Variants in BMPER observed in about 807,000 individuals in gnomAD.
BMPER encodes BMP binding endothelial regulator, also known as BMP-binding endothelial regulator protein.
BMPER carries 45 observed loss-of-function variants against 87.3 expected under a neutral mutation model. The ratio of observed to expected loss-of-function variants is 0.52; its 90% CI spans 0.41 to 0.66. The LOEUF is 0.66. BMPER is among the 30% of genes least tolerant of loss of function. The pLI is 0.00. For missense variants in BMPER, 784 were observed against 867.5 expected, an observed-to-expected ratio of 0.90 and a Z score of 1.21; for synonymous variants, 326 against 316.2, an observed-to-expected ratio of 1.03 and a Z score of -0.33.
At chr7:34,122,370 A>G (rs1790285049) in intron 13 of BMPER, among the ~76,000 whole-genome samples, 1 of 152,174 alleles carries the variant, frequency 6.6e-6, no homozygotes, top group South Asian at 2.1e-4. Context: ...AGCACATTCA[A>G]ATCATCTGAG....
At chr7:33,967,454 T>C (rs1785433000) in intron 4 of BMPER, among the ~76,000 whole-genome samples, 1 of 152,244 alleles carries the variant, frequency 6.6e-6, no homozygotes, top group African/African-American at 2.4e-5. Context: ...TTTAGGTAGT[T>C]ATATTCCTAT....
intron 4 of BMPER, among the ~76,000 whole-genome samples, 186 bp from the exon 5 acceptor site, chr7:33,970,143 G>A (rs1585689521): frequency 6.6e-6 from 1 of 152,326 alleles, no homozygotes. Context: ...TTTGCACTGA[G>A]TTCTACAGCA....
intron 3 of BMPER, among the ~76,000 whole-genome samples, chr7:33,938,166 G>A (rs1490237416): frequency 2.0e-5 from 3 of 152,106 alleles, no homozygotes; most frequent in African/African-American, 4.8e-5. Context: ...ATTTCACACC[G>A]TGTATGTGTC....
At chr7:34,055,424 TGTGC>T in intron 9 of BMPER, 121 bp downstream of exon 9, 14 of 1,208,940 alleles carry the variant, frequency 1.2e-5, no homozygotes, top group Non-Finnish European at 1.7e-5. Flanking sequence ...AATGTATATG[TGTGC>T]ATATATTAAT....
At chr7:34,078,808 A>C (rs1562728817) in intron 11 of BMPER, 49 bp from the exon 12 acceptor site, 2 of 1,590,132 alleles carry the variant, frequency 1.3e-6, no homozygotes, top group Non-Finnish European at 1.7e-6. Context: ...TTCTCTGTGA[A>C]TCCTTGGCTT....
At chr7:34,056,402 T>TA (rs891739780) in intron 9 of BMPER, among the ~76,000 whole-genome samples, 3 of 151,534 alleles carry the variant, frequency 2.0e-5, no homozygotes, top group African/African-American at 4.9e-5. Context: ...AAAAATAAAA[T>TA]AAAAAAAATT....
intron 6 of BMPER, among the ~76,000 whole-genome samples, chr7:34,035,791 C>T (rs1455997431): frequency 6.6e-6 from 1 of 152,204 alleles, no homozygotes; most frequent in African/African-American, 2.4e-5. Context: ...GAACCTTCAA[C>T]CTACTTTGGG....
At chr7:34,102,683 C>T (rs1211332802) in intron 13 of BMPER, among the ~76,000 whole-genome samples, 1 of 152,206 alleles carries the variant, frequency 6.6e-6, no homozygotes, top group African/African-American at 2.4e-5. Context: ...TATTTAACCA[C>T]AGCTCCTGCC....
intron 14 of BMPER, among the ~76,000 whole-genome samples, chr7:34,152,050 GA>G (rs1226516177): frequency 6.6e-6 from 1 of 152,162 alleles, no homozygotes; most frequent in Non-Finnish European, 1.5e-5. Context: ...TAACTTGAAA[GA>G]CTCAAATTGA....
Position 34,123,586 on chromosome 7 carries a change from C to A in BMPER, c.1746-19644C>A, listed in dbSNP as rs144950480. Among the ~76,000 whole-genome samples, 249 of 152,266 alleles carry A rather than the reference C, an allele frequency of 1.6e-3. 5 individuals carry two copies. In the East Asian group the frequency reaches 0.047, roughly 29 times the overall value. On this transcript the variant is annotated intron_variant, in intron 13 of 14. Coordinates refer to ENST00000649409, the MANE Select transcript of BMPER (RefSeq NM_001365308.1). ...GAGTGAGAACCAGCAGTGGAGAGGC[C>A]TGGTCTTCTTTCACGTCTGAACTCC...
intron 6 of BMPER, among the ~76,000 whole-genome samples, chr7:34,029,006 A>C (rs1352358987): frequency 6.6e-6 from 1 of 152,100 alleles, no homozygotes; most frequent in Non-Finnish European, 1.5e-5. Context: ...TATTGTCATC[A>C]TGGAATATTA....
intron 6 of BMPER, among the ~76,000 whole-genome samples, chr7:34,013,814 T>G (rs965715351): frequency 3.3e-5 from 5 of 151,866 alleles, no homozygotes; most frequent in Admixed American, 6.6e-5. Flanking sequence ...CCCCTATGAG[T>G]TATAGCAGCC....
At chr7:33,947,882 G>T (rs1329260586) in intron 3 of BMPER, among the ~76,000 whole-genome samples, 1 of 151,948 alleles carries the variant, frequency 6.6e-6, no homozygotes, top group East Asian at 1.9e-4. Context: ...CTATGTGGTT[G>T]TTTCGGAGGG....
rs1325998804 is a variant in BMPER at position 34,155,972 on chromosome 7, C to T, written c.*2699C>T. 1 of 152,194 alleles carries T rather than the reference C, an allele frequency of 6.6e-6. No homozygotes were observed. Among genetic ancestry groups the T allele is most frequent in the Non-Finnish European group, 1.5e-5 (1 of 68,038 alleles). 9.4% of individuals were successfully genotyped at this position (152,194 alleles called of 1,614,324 possible). A position where few individuals can be genotyped will look rare whatever the true frequency, so the allele number is the denominator to read the frequency against. ...AGTAAAACTAAGTTCTTTCTTCTCT[C>T]CCTCTGTAAATAGGAATATTTGAGG... On this transcript the variant is annotated 3_prime_UTR_variant, in exon 15 of 15. Coordinates refer to ENST00000649409, the MANE Select transcript of BMPER (RefSeq NM_001365308.1).
At position 34,076,799 on chromosome 7, in the gene BMPER, G is replaced by A. The variant is rs138206115; in HGVS notation, c.1079-2058G>A. Among the ~76,000 whole-genome samples the A allele has an allele frequency of 1.6e-4, 24 of 152,242 alleles. No individual in the cohort carries two copies. The East Asian group carries it at 4.5e-3, about 28-fold the overall frequency. On this transcript the variant is annotated intron_variant, in intron 11 of 14. Transcript: ENST00000649409. ...AGATTGCCACAGGAGAGTGTGGGCA[G>A]CAGGTTGTGGGCATTCCCTGTGCCT... is the stretch of plus-strand genomic sequence containing the variant.
intron 2 of BMPER, among the ~76,000 whole-genome samples, chr7:33,924,958 G>A (rs972326442): frequency 1.7e-4 from 26 of 152,144 alleles, no homozygotes; most frequent in South Asian, 6.2e-4. Flanking sequence ...CACTGCACCC[G>A]GCCTAAAGGA....
chr7:33,955,545 G>A (rs544728721), intron 3 of BMPER, among the ~76,000 whole-genome samples: 6 of 152,256 alleles, frequency 3.9e-5, no homozygotes, highest in African/African-American at 7.2e-5. Context: ...TGGACTACTC[G>A]TGGAAAAACG....
At chr7:33,963,801 AAAAC>A (rs371899858) in intron 3 of BMPER, among the ~76,000 whole-genome samples, 116 of 152,252 alleles carry the variant, frequency 7.6e-4, no homozygotes, top group African/African-American at 2.5e-3. Flanking sequence ...CTCAAAACAA[AAAAC>A]AAACAAACAA....
chr7:33,989,751 C>A (rs1009759246), intron 6 of BMPER, among the ~76,000 whole-genome samples: 3 of 152,082 alleles, frequency 2.0e-5, no homozygotes, highest in Non-Finnish European at 4.4e-5. Context: ...GGTTTTAGGT[C>A]TAACGTTTAA....
Sources: gnomAD v4.1 joint callset for allele counts (sites outside exome capture counted in the v4.1 genomes callset) on GRCh38, gnomAD v4.1.1 for gene constraint, MANE v1.5 for transcripts, NCBI Gene and HGNC (gene_info 2026-07-23, HGNC 2026-07-21) for gene names.